The following TRIM66 variants were observed in gnomAD, a reference collection of about 807,000 sequenced individuals.
TRIM66 encodes tripartite motif containing 66, also known as tripartite motif-containing protein 66.
A neutral mutation model predicts 148.2 loss-of-function variants in TRIM66; 99 were observed. The ratio of observed to expected loss-of-function variants is 0.67; its 90% CI spans 0.57 to 0.79. The LOEUF (loss-of-function observed/expected upper bound fraction) is 0.79. Ranked by LOEUF, TRIM66 falls within the 30% of genes least tolerant of loss-of-function variation. The probability of loss-of-function intolerance (pLI) is 0.00; values close to 1 mark genes in which losing one functional copy is unlikely to be tolerated. For synonymous variants in TRIM66, 616 were observed against 635.9 expected (o/e 0.97, Z 0.47); for missense variants, 1,666 against 1,697.9 (o/e 0.98, Z 0.33).
At chr11:8,661,761 C>T (rs1029218188) in intron 6 of TRIM66, among the ~76,000 whole-genome samples, 3 of 152,198 alleles carry the variant, frequency 2.0e-5, no homozygotes, top group African/African-American at 7.2e-5. Flanking sequence ...AGGGCCTTCC[C>T]TGCCTTTTGG....
At chr11:8,628,636 A>AAAAGAGAG (rs1555042270) in intron 15 of TRIM66, among the ~76,000 whole-genome samples, 3 of 93,382 alleles carry the variant, frequency 3.2e-5, no homozygotes, top group Non-Finnish European at 7.0e-5. Context: ...AAAAAAAAAA[A>AAAAGAGAG]AGAGAGAGAA....
chr11:8,628,631 A>AG (rs1267521328), intron 15 of TRIM66, among the ~76,000 whole-genome samples: 31,883 of 109,018 alleles, frequency 0.29, 4,951 homozygotes, highest in African/African-American at 0.32. Flanking sequence ...AAAAAAAAAA[A>AG]AAAAAAGAGA....
intron 10 of TRIM66, among the ~76,000 whole-genome samples, chr11:8,647,030 T>C (rs2036913640): frequency 6.7e-6 from 1 of 149,428 alleles, no homozygotes; most frequent in African/African-American, 2.4e-5. Flanking sequence ...ACATATTATA[T>C]AATAAACATA....
In TRIM66 at chr11:8,622,378, A is replaced by ATATATATATATATATATATATATC. The variant is rs1565477353; in HGVS notation, c.3080+437_3080+438insGATATATATATATATATATATATA. On this transcript the variant is annotated intron_variant, in intron 18 of 24. Coordinates refer to ENST00000646038, the MANE Select transcript of TRIM66 (RefSeq NM_001388022.1). ...CACACACACACACATATATATATAT[A>ATATATATATATATATATATATATC]TATATCTCCTACTTGTTCTGTGCCT... Among the ~76,000 whole-genome samples the ATATATATATATATATATATATATC allele has an allele frequency of 4.7e-5, 6 of 128,198 alleles. No individual in the cohort carries two copies. The East Asian group carries it at 6.4e-4, about 14-fold the overall frequency. The allele number at this position is 128,198 out of a possible 152,430, so 84.1% of individuals were successfully genotyped here.
intron 3 of TRIM66, among the ~76,000 whole-genome samples, chr11:8,677,697 G>C (rs1471053488): frequency 6.6e-6 from 1 of 152,136 alleles, no homozygotes; most frequent in African/African-American, 2.4e-5. Context: ...TGAAATTAAA[G>C]TAAAACCCAA....
In TRIM66 at chr11:8,624,777, C is replaced by T. The variant is rs202226370; in HGVS notation, c.2762G>A (p.Arg921Gln). 2.6e-4 allele frequency: 407 copies of T among 1,549,902 alleles called. 1 individual carries two copies. Among genetic ancestry groups the T allele is most frequent in the Non-Finnish European group, 3.1e-4 (351 of 1,145,956 alleles). Reference protein sequence around the residue: ...PETGSSSSSGRTSGSLCPRDG... With the variant: ...PETGSSSSSGQTSGSLCPRDG... ...TCTGGGACACAGGCTCCCTGAAGTT[C>T]GGCCAGAACTGGAGCTGGACCCAGT... The change falls in exon 16 of 25, where the codon CGA becomes CAA. Residue 921 changes from arginine to glutamine, a missense_variant. By Grantham distance (43) the Arg-to-Gln change is conservative. Around this residue, in one of 3 missense-constraint regions of TRIM66, gnomAD observed 1,431 missense variants for 1,412.4 expected, o/e 1.01. Transcript: ENST00000646038.
intron 6 of TRIM66, among the ~76,000 whole-genome samples, chr11:8,671,506 G>A (rs1300175032): frequency 6.6e-6 from 1 of 152,174 alleles, no homozygotes; most frequent in African/African-American, 2.4e-5. Context: ...TCCGTCTGGG[G>A]AGGCAGCCAA....
At chr11:8,620,787 G>A (rs1019226154) in intron 20 of TRIM66, among the ~76,000 whole-genome samples, 3 of 152,218 alleles carry the variant, frequency 2.0e-5, no homozygotes, top group African/African-American at 7.2e-5. Context: ...AGTAGTATAG[G>A]CACAAATCCA....
intron 13 of TRIM66, among the ~76,000 whole-genome samples, 174 bp from the exon 14 acceptor site, chr11:8,641,326 C>G (rs2036372728): frequency 1.3e-5 from 2 of 152,118 alleles, no homozygotes; most frequent in Non-Finnish European, 2.9e-5. Flanking sequence ...AGTAATAGCA[C>G]CTGTATGCAC....
intron 13 of TRIM66, among the ~76,000 whole-genome samples, 196 bp downstream of exon 13, chr11:8,642,813 T>C (rs1364985164): frequency 7.5e-6 from 1 of 133,854 alleles, no homozygotes; most frequent in Non-Finnish European, 1.5e-5. Context: ...GCCACTGTTA[T>C]TTAATTCCTC....
Position 8,640,581 on chromosome 11 carries a change from TGGCTGCTGCTGA to T in TRIM66, c.1782_1793del (p.Phe594_Pro598delinsLeu), listed in dbSNP as rs2036289458. The T allele has an allele frequency of 6.4e-7, 1 of 1,550,678 alleles. No homozygotes were observed. Among genetic ancestry groups the T allele is most frequent in the Non-Finnish European group, 8.7e-7 (1 of 1,146,810 alleles). ...GTGGTGGAGGTGGTAGCTGCTGCTG[TGGCTGCTGCTGA>T]AAGTGACTGAGCTTCAGCTTCTGGT... On this transcript the variant is annotated inframe_deletion, in exon 14 of 25. Coordinates refer to ENST00000646038, the MANE Select transcript of TRIM66 (RefSeq NM_001388022.1).
Position 8,674,410 on chromosome 11 carries a change from G to T in TRIM66, c.-112+396C>A, listed in dbSNP as rs2039082857. On this transcript the variant is annotated intron_variant, in intron 4 of 24. Coordinates refer to ENST00000646038, the MANE Select transcript of TRIM66 (RefSeq NM_001388022.1). ...TTATTTATTTATTTTTTGAGACAGG[G>T]TCTTGCTCTGTTGCCTAGGCTGGAG... Among the ~76,000 whole-genome samples the T allele has an allele frequency of 3.3e-5, 5 of 151,760 alleles. No homozygotes were observed. The South Asian group carries it at 1.0e-3, about 32-fold the overall frequency.
chr11:8,649,993 C>A (rs1383456493), intron 7 of TRIM66, 106 bp from the exon 8 acceptor site: 1 of 1,340,474 alleles, frequency 7.5e-7, no homozygotes, highest in African/African-American at 1.5e-5. Flanking sequence ...TATTCCTCCA[C>A]CAGTTTGGAG....
intron 3 of TRIM66, among the ~76,000 whole-genome samples, chr11:8,678,592 C>T (rs1268981137): frequency 2.0e-5 from 3 of 152,130 alleles, no homozygotes; most frequent in Non-Finnish European, 4.4e-5. Flanking sequence ...TTTTTCAAGT[C>T]TTTCTGAAGT....
chr11:8,622,353 C>CATATATATATAT (rs1181138142), intron 18 of TRIM66, among the ~76,000 whole-genome samples: 4 of 54,240 alleles, frequency 7.4e-5, no homozygotes, highest in Non-Finnish European at 2.0e-4. Flanking sequence ...CACACACACA[C>CATATATATATAT]ACACACACAC....
Position 8,621,703 on chromosome 11 carries a change from T to A in TRIM66, c.3197A>T (p.Asp1066Val). Reference protein sequence around the residue: ...FKLKPQKNDQDGSFLLIIECG... With the variant: ...FKLKPQKNDQVGSFLLIIECG... ...CTCGATGATCAGCAGGAAGCTCCCATCCTGATCATTCTTCTGTGGCTTCAG... is the reference window on the plus strand; with the variant it reads ...CTCGATGATCAGCAGGAAGCTCCCAACCTGATCATTCTTCTGTGGCTTCAG... Residue 1066 changes from aspartate (D) to valine (V), a missense_variant, in exon 19 of 25, where the codon GAT becomes GTT. By Grantham distance (152) the Asp-to-Val change is radical (BLOSUM62 -3). Coordinates refer to ENST00000646038, the MANE Select transcript of TRIM66 (RefSeq NM_001388022.1). 6.4e-7 allele frequency: 1 copy of A among 1,551,730 alleles called. No homozygotes were observed. The highest frequency in any genetic ancestry group is 8.7e-7 in the Non-Finnish European group (1 of 1,146,974).
intron 19 of TRIM66, 109 bp downstream of exon 19, chr11:8,621,536 C>A (rs1164665879): frequency 2.2e-6 from 3 of 1,388,480 alleles, no homozygotes; most frequent in African/African-American, 1.5e-5. Context: ...AAGCTGCAGC[C>A]CCATCAGAGA....
chr11:8,640,304 T>A lies in TRIM66; in HGVS notation c.2071A>T (p.Thr691Ser). The A allele has an allele frequency of 6.4e-7, 1 of 1,551,624 alleles. No homozygotes were observed. Among genetic ancestry groups the A allele is most frequent in the Non-Finnish European group, 8.7e-7 (1 of 1,146,990 alleles). ...QTKSPQHLQQ[T>S]IVGQINYIVR... ...ATGTAGTTGATCTGCCCCACAATGG[T>A]TTGCTGAAGATGCTGAGGAGATTTG... Residue 691 changes from threonine (T) to serine (S), a missense_variant, in exon 14 of 25, where the codon ACC becomes TCC. Physicochemically the swap from Thr to Ser is moderately conservative, Grantham distance 58 (BLOSUM62 1). Transcript: ENST00000646038.
Position 8,648,554 on chromosome 11 carries a change from AGAG to A in TRIM66, c.593-9_593-7del. The stretch of plus-strand genomic sequence containing the variant: ...TCCGGGACCACCATTCACTCCTGCC[AGAG>A]AAGACAGAGAAAGTGAGCTTCTCTT... On this transcript the variant is annotated splice_polypyrimidine_tract_variant and splice_region_variant and intron_variant, in intron 8 of 24. Transcript: ENST00000646038. The A allele has an allele frequency of 6.4e-7, 1 of 1,551,574 alleles. No homozygotes were observed. The highest frequency in any genetic ancestry group is 1.2e-5 in the South Asian group (1 of 84,054).
Sources: gnomAD v4.1 joint callset for allele counts (sites outside exome capture counted in the v4.1 genomes callset) on GRCh38, gnomAD v4.1.1 for gene constraint, gnomAD v4.1.1 regional missense constraint, MANE v1.5 for transcripts, NCBI Gene and HGNC (gene_info 2026-07-23, HGNC 2026-07-21) for gene names.